Variants in TEAD1 observed in about 807,000 individuals in gnomAD.
The protein encoded by TEAD1 is TEA domain transcription factor 1.
In TEAD1, 9 loss-of-function variants were observed where a neutral mutation model predicts 54.9. The observed-to-expected ratio is 0.16, with a 90% CI of 0.10 to 0.29. TEAD1 has a LOEUF of 0.29. Ranked by LOEUF, TEAD1 falls within the 10% of genes least tolerant of loss-of-function variation. TEAD1 has a pLI of 1.00. For missense variants in TEAD1, 387 were observed against 535.9 expected, an observed-to-expected ratio of 0.72 and a Z score of 2.74; for synonymous variants, 200 against 187.8, an observed-to-expected ratio of 1.07 and a Z score of -0.53.
intron 5 of TEAD1, chr11:12,865,233 G>A: frequency 3.0e-6 from 1 of 333,142 alleles, no homozygotes; most frequent in Non-Finnish European, 5.7e-6. Context: ...TGTCCACCAA[G>A]CAGCCATGGG....
At chr11:12,799,266 A>G (rs929333042) in intron 3 of TEAD1, among the ~76,000 whole-genome samples, 1 of 152,228 alleles carries the variant, frequency 6.6e-6, no homozygotes, top group Non-Finnish European at 1.5e-5. Flanking sequence ...GTATGTTTTC[A>G]TTATCCCACT....
At chr11:12,720,444 A>T (rs151030363) in intron 2 of TEAD1, among the ~76,000 whole-genome samples, 34 of 152,338 alleles carry the variant, frequency 2.2e-4, no homozygotes, top group African/African-American at 7.5e-4. Flanking sequence ...TGCAACAGAT[A>T]TCATTTACTG....
At chr11:12,696,433 A>G (rs1943584282) in intron 2 of TEAD1, among the ~76,000 whole-genome samples, 1 of 152,184 alleles carries the variant, frequency 6.6e-6, no homozygotes, top group African/African-American at 2.4e-5. Flanking sequence ...ACCCATGGGT[A>G]TAGAGAAGTG....
At chr11:12,824,641 G>T (rs1050418237) in intron 3 of TEAD1, among the ~76,000 whole-genome samples, 1 of 152,206 alleles carries the variant, frequency 6.6e-6, no homozygotes, top group African/African-American at 2.4e-5. Context: ...GAGGCTCCTT[G>T]TCTTCCAGGC....
intron 9 of TEAD1, among the ~76,000 whole-genome samples, chr11:12,886,702 C>T (rs1215844572): frequency 6.6e-6 from 1 of 151,146 alleles, no homozygotes; most frequent in Non-Finnish European, 1.5e-5. Context: ...TACTGTGTTG[C>T]CCAGGCTGGC....
intron 3 of TEAD1, among the ~76,000 whole-genome samples, chr11:12,828,789 T>G (rs759261396): frequency 6.7e-5 from 9 of 134,782 alleles, no homozygotes; most frequent in Non-Finnish European, 6.6e-5. Context: ...CTTATTGATT[T>G]GCATTTTTTT....
intron 9 of TEAD1, among the ~76,000 whole-genome samples, chr11:12,895,836 G>A (rs1306041232): frequency 6.6e-6 from 1 of 151,990 alleles, no homozygotes; most frequent in Non-Finnish European, 1.5e-5. Context: ...TAAATAACAT[G>A]CTTATATTGT....
At chr11:12,676,501 G>T (rs1392607735) in intron 2 of TEAD1, among the ~76,000 whole-genome samples, 2 of 152,224 alleles carry the variant, frequency 1.3e-5, no homozygotes, top group East Asian at 3.8e-4. Context: ...TCACTGTTGG[G>T]TTTGTGCCCC....
intron 10 of TEAD1, among the ~76,000 whole-genome samples, chr11:12,907,877 G>T (rs962159711): frequency 1.3e-5 from 2 of 152,138 alleles, no homozygotes; most frequent in African/African-American, 4.8e-5. Flanking sequence ...CAGGGAGCAC[G>T]GTTCTGTCAC....
At chr11:12,845,314 C>G (rs771108313) in intron 3 of TEAD1, among the ~76,000 whole-genome samples, 1 of 152,226 alleles carries the variant, frequency 6.6e-6, no homozygotes. Flanking sequence ...TTGCAGCTCT[C>G]TCTGCAGGGA....
chr11:12,852,127 G>T (rs1462306691), intron 3 of TEAD1, among the ~76,000 whole-genome samples: 1 of 152,182 alleles, frequency 6.6e-6, no homozygotes, highest in African/African-American at 2.4e-5. Context: ...TTCCACAAAG[G>T]CATGGAGGTA....
At chr11:12,897,583 A>G (rs533265735) in intron 9 of TEAD1, among the ~76,000 whole-genome samples, 1 of 152,180 alleles carries the variant, frequency 6.6e-6, no homozygotes, top group Non-Finnish European at 1.5e-5. Flanking sequence ...TCAGATGCCA[A>G]TGGTCAGAGT....
chr11:12,863,833 G>C (rs1947556384), intron 4 of TEAD1, among the ~76,000 whole-genome samples: 1 of 152,210 alleles, frequency 6.6e-6, no homozygotes, highest in Non-Finnish European at 1.5e-5. Context: ...TGTTTCAGAA[G>C]CTGGGCTCGG....
chr11:12,680,637 T>A (rs939993099), intron 2 of TEAD1, among the ~76,000 whole-genome samples: 4 of 152,346 alleles, frequency 2.6e-5, no homozygotes, highest in African/African-American at 9.6e-5. Context: ...CCCGTACACG[T>A]GCTCACATGC....
chr11:12,763,641 A>C (rs1195275467), intron 2 of TEAD1, among the ~76,000 whole-genome samples: 2 of 152,226 alleles, frequency 1.3e-5, no homozygotes, highest in Non-Finnish European at 2.9e-5. Flanking sequence ...TAGTGACACT[A>C]ACAGAGTTTC....
chr11:12,906,802 G>A (rs765894373), intron 10 of TEAD1, among the ~76,000 whole-genome samples: 2 of 152,046 alleles, frequency 1.3e-5, no homozygotes, highest in African/African-American at 4.8e-5. Flanking sequence ...TTTCACAGCT[G>A]GCTTCTTTTA....
chr11:12,742,310 G>A (rs534556830), intron 2 of TEAD1, among the ~76,000 whole-genome samples: 2 of 152,276 alleles, frequency 1.3e-5, no homozygotes, highest in South Asian at 2.1e-4. Flanking sequence ...AACAGAGATA[G>A]TAATATTTCT....
intron 9 of TEAD1, among the ~76,000 whole-genome samples, chr11:12,888,326 T>C (rs1201112756): frequency 6.6e-6 from 1 of 152,188 alleles, no homozygotes; most frequent in Non-Finnish European, 1.5e-5. Flanking sequence ...CTGGCCAACA[T>C]GGTGAAACCC....
intron 10 of TEAD1, among the ~76,000 whole-genome samples, chr11:12,921,002 G>GTA (rs1002502119): frequency 9.9e-5 from 15 of 152,104 alleles, no homozygotes; most frequent in East Asian, 1.9e-4. Context: ...AGTGGCATAG[G>GTA]TATATATATA....
Sources: allele counts gnomAD v4.1 joint callset (sites outside exome capture counted in the v4.1 genomes callset), GRCh38; gene constraint gnomAD v4.1.1; transcripts MANE v1.5; gene names NCBI Gene and HGNC (gene_info 2026-07-23, HGNC 2026-07-21).